Variants in KIF19 observed in about 807,000 individuals in gnomAD.
KIF19 encodes kinesin-like protein KIF19.
A neutral mutation model predicts 106.6 loss-of-function variants in KIF19; 98 were observed. The ratio of observed to expected loss-of-function variants is 0.92; its 90% CI spans 0.78 to 1.09. The LOEUF (loss-of-function observed/expected upper bound fraction) is 1.09, where lower values mean the gene tolerates loss of function less well. Among genes scored for constraint, KIF19 ranks in the 50% least tolerant of loss-of-function variants. KIF19 has a pLI of 0.00. For missense variants in KIF19, 1,373 were observed against 1,414.3 expected (o/e 0.97, Z 0.47); for synonymous variants, 516 against 584.2 (o/e 0.88, Z 1.68).
In KIF19 at chr17:74,326,321, C is replaced by T. The variant is rs2053904437; in HGVS notation, c.-29C>T. ...TGCGGCTGAGCCATGCCCGGTGGCG[C>T]GGCCTGAGCCCCTCCACCTGCTGCA... On this transcript the variant is annotated 5_prime_UTR_variant, in exon 1 of 20. Coordinates refer to ENST00000389916, the MANE Select transcript of KIF19 (RefSeq NM_153209.4). 1 of 1,599,230 alleles carries T rather than the reference C, an allele frequency of 6.3e-7. No individual in the cohort carries two copies. The highest frequency in any genetic ancestry group is 2.3e-5 in the East Asian group (1 of 42,690).
intron 12 of KIF19, chr17:74,351,172 G>GT (rs1296579255): frequency 2.0e-6 from 1 of 499,836 alleles, no homozygotes; most frequent in Non-Finnish European, 3.6e-6. Context: ...TCAAAAAATG[G>GT]TAACTAATGT....
chr17:74,340,829 C>T (rs1025484644), intron 2 of KIF19, among the ~76,000 whole-genome samples: 1 of 152,234 alleles, frequency 6.6e-6, no homozygotes, highest in Non-Finnish European at 1.5e-5. Flanking sequence ...GTCCCAGGCT[C>T]TGCCCTGGAG....
chr17:74,344,723 G>A (rs1260963892), intron 6 of KIF19, 38 bp from the exon 7 acceptor site: 2 of 1,580,824 alleles, frequency 1.3e-6, no homozygotes, highest in Non-Finnish European at 1.7e-6. Context: ...AGCACCTACG[G>A]CAGTCGCTAA....
At chr17:74,326,613 AC>A (rs2053916920) in intron 1 of KIF19, among the ~76,000 whole-genome samples, 1 of 151,366 alleles carries the variant, frequency 6.6e-6, no homozygotes, top group African/African-American at 2.4e-5. Context: ...CCCAACTTCA[AC>A]CCCACCCCCA....
intron 12 of KIF19, chr17:74,351,331 A>C: frequency 6.3e-6 from 1 of 159,468 alleles, no homozygotes; most frequent in Admixed American, 6.1e-5. Context: ...AAAAATACAA[A>C]AAAAAAAAAA....
chr17:74,327,375 G>A (rs2053943123), intron 1 of KIF19, among the ~76,000 whole-genome samples: 1 of 152,246 alleles, frequency 6.6e-6, no homozygotes, highest in African/African-American at 2.4e-5. Context: ...CGGGGAGCAG[G>A]GATGAAGGGT....
chr17:74,349,305 A>G lies in KIF19; in HGVS notation c.1169A>G (p.Gln390Arg), dbSNP rs764550499. 2 of 1,611,040 alleles carry G rather than the reference A, an allele frequency of 1.2e-6. No homozygotes were observed. The highest frequency in any genetic ancestry group is 2.2e-5 in the East Asian group (1 of 44,840). ...ATTGATGAGCAGACTGGGCGGGGCCAGGCCCGGGGCCGGCAGGATCGGGGT... is the reference window on the plus strand; with the variant it reads ...ATTGATGAGCAGACTGGGCGGGGCCGGGCCCGGGGCCGGCAGGATCGGGGT... ...RKIDEQTGRG[Q>R]ARGRQDRGDI... Residue 390 changes from glutamine (Q) to arginine (R), a missense_variant, in exon 10 of 20, where the codon CAG becomes CGG. By Grantham distance (43) the Gln-to-Arg change is conservative. Coordinates refer to ENST00000389916, the MANE Select transcript of KIF19 (RefSeq NM_153209.4).
In KIF19 at chr17:74,326,392, AGACC is replaced by A. The variant is rs756664621; in HGVS notation, c.39+5_39+8del. 6.2e-7 allele frequency: 1 copy of A among 1,612,038 alleles called. No homozygotes were observed. The highest frequency in any genetic ancestry group is 8.5e-7 in the Non-Finnish European group (1 of 1,178,952). Reference sequence around the variant, plus strand: ...CTCCAAGGACCAGCAACTCATGGTGAGACCCTTTTAGACCCTCCTCCCCACCCCG... The same window carrying A: ...CTCCAAGGACCAGCAACTCATGGTGACTTTTAGACCCTCCTCCCCACCCCG... On this transcript the variant is annotated splice_donor_5th_base_variant and intron_variant, in intron 1 of 19. Coordinates refer to ENST00000389916, the MANE Select transcript of KIF19 (RefSeq NM_153209.4).
At chr17:74,335,092 C>A (rs2054187117) in intron 2 of KIF19, among the ~76,000 whole-genome samples, 1 of 152,192 alleles carries the variant, frequency 6.6e-6, no homozygotes, top group Non-Finnish European at 1.5e-5. Flanking sequence ...TGCCACTAGC[C>A]TTGGAGGCTG....
In KIF19 at chr17:74,354,321, C is replaced by T. The variant is rs765177786; in HGVS notation, c.2468C>T (p.Pro823Leu). ...CTGAGCGAGGGCGACGATGCGCGGCCACCAGGCCCACTGGCCTGCAAGCGG... is the reference window on the plus strand; with the variant it reads ...CTGAGCGAGGGCGACGATGCGCGGCTACCAGGCCCACTGGCCTGCAAGCGG... Reference protein sequence around the residue: ...HSLSEGDDARPPGPLACKRPP... With the variant: ...HSLSEGDDARLPGPLACKRPP... The change falls in exon 18 of 20, where the codon CCA becomes CTA. Residue 823 changes from proline to leucine, a missense_variant. Pro to Leu is a moderately conservative substitution (Grantham distance 98, BLOSUM62 -3). Around this residue, in one of 3 missense-constraint regions of KIF19, gnomAD observed 1,020 missense variants for 1,008.2 expected, o/e 1.01. Transcript: ENST00000389916. 1.4e-5 allele frequency: 23 copies of T among 1,607,946 alleles called. No individual in the cohort carries two copies. The South Asian group carries it at 2.5e-4, about 18-fold the overall frequency.
At chr17:74,343,339 G>A (rs1381235539) in intron 5 of KIF19, among the ~76,000 whole-genome samples, 179 bp downstream of exon 5, 1 of 152,180 alleles carries the variant, frequency 6.6e-6, no homozygotes, top group Non-Finnish European at 1.5e-5. Context: ...CACACAGTAA[G>A]CGAGGGAGCG....
chr17:74,354,138 T>G (rs2382642), intron 17 of KIF19, 24 bp from the exon 18 acceptor site: 887,328 of 1,582,080 alleles, frequency 0.56, 250,877 homozygotes, highest in African/African-American at 0.62. Flanking sequence ...TCTCGGGTTG[T>G]ATGTTCCCCG....
At chr17:74,354,626 T>G in intron 18 of KIF19, 67 bp downstream of exon 18, 2 of 1,544,806 alleles carry the variant, frequency 1.3e-6, no homozygotes, top group Non-Finnish European at 8.7e-7. Flanking sequence ...AGGGCTGGAT[T>G]TCTCCAAAGG....
rs561069356 is a variant in KIF19 at position 74,341,210 on chromosome 17, G to A, written c.121-666G>A. Among the ~76,000 whole-genome samples the A allele has an allele frequency of 2.4e-4, 37 of 152,258 alleles. No individual in the cohort carries two copies. In the East Asian group the frequency reaches 3.9e-3, roughly 16 times the overall value. The stretch of plus-strand genomic sequence containing the variant: ...GGCACACGCCTGTAGTCCCAGGTAC[G>A]CTGGAGGCTGTGGCAGGAGAATCAC... On this transcript the variant is annotated intron_variant, in intron 2 of 19. Coordinates refer to ENST00000389916, the MANE Select transcript of KIF19 (RefSeq NM_153209.4).
intron 5 of KIF19, among the ~76,000 whole-genome samples, chr17:74,343,780 G>C: frequency 6.6e-6 from 1 of 152,202 alleles, no homozygotes; most frequent in East Asian, 1.9e-4. Flanking sequence ...CTCGCTTTAC[G>C]GGGTGGGGGT....
At chr17:74,333,419 G>A (rs1043591032) in intron 2 of KIF19, among the ~76,000 whole-genome samples, 3 of 146,502 alleles carry the variant, frequency 2.0e-5, no homozygotes, top group African/African-American at 5.2e-5. Context: ...CTGGAGTGCC[G>A]TGGCGCTATC....
intron 12 of KIF19, chr17:74,351,217 TCA>T: frequency 2.6e-6 from 1 of 381,630 alleles, no homozygotes; most frequent in Non-Finnish European, 5.0e-6. Flanking sequence ...GCACAGTGAC[TCA>T]CACCTGTAAT....
In KIF19 at chr17:74,346,238, G is replaced by A. The variant is rs759417484; in HGVS notation, c.778-140G>A. On this transcript the variant is annotated intron_variant, in intron 7 of 19. Transcript: ENST00000389916. The surrounding 1 kb of genome is among the most constrained non-coding windows in gnomAD (Gnocchi z 4.6). Reference sequence around the variant, plus strand: ...TTAACCTTCTCCAATGCCCTCAGTGGCCTTGGCAGGAGGACGGCCACAAGG... The same window carrying A: ...TTAACCTTCTCCAATGCCCTCAGTGACCTTGGCAGGAGGACGGCCACAAGG... The A allele has an allele frequency of 7.8e-6, 7 of 894,704 alleles. No homozygotes were observed. Among genetic ancestry groups the A allele is most frequent in the Non-Finnish European group, 1.0e-5 (6 of 595,606 alleles). 55.4% of individuals were successfully genotyped at this position (894,704 alleles called of 1,614,324 possible). A position where few individuals can be genotyped will look rare whatever the true frequency, so the allele number is the denominator to read the frequency against.
intron 4 of KIF19, 23 bp from the exon 5 acceptor site, chr17:74,343,001 C>G (rs1430942757): frequency 1.3e-6 from 2 of 1,583,098 alleles, no homozygotes; most frequent in Non-Finnish European, 1.7e-6. Context: ...ACCCCGGTCA[C>G]CCTCCACCTT....
Sources: gnomAD v4.1 joint callset for allele counts (sites outside exome capture counted in the v4.1 genomes callset) on GRCh38, gnomAD v4.1.1 for gene constraint, gnomAD v4.1.1 regional missense constraint, Gnocchi (gnomAD v3.1) non-coding constraint, MANE v1.5 for transcripts, NCBI Gene and HGNC (gene_info 2026-07-23, HGNC 2026-07-21) for gene names.